ABCD2: variants seen among roughly 807,000 people sequenced by gnomAD.
ABCD2 encodes the protein ATP-binding cassette sub-family D member 2.
A neutral mutation model predicts 70.9 loss-of-function variants in ABCD2; 36 were observed. That is an observed-to-expected ratio of 0.51 (90% CI 0.39 to 0.67). ABCD2 has a LOEUF of 0.67. ABCD2 is among the 30% of genes least tolerant of loss of function. The probability of loss-of-function intolerance (pLI) is 0.00; values close to 1 mark genes in which losing one functional copy is unlikely to be tolerated. For synonymous variants in ABCD2, 304 were observed against 306.9 expected, an observed-to-expected ratio of 0.99 and a Z score of 0.10; for missense variants, 729 against 890.2, an observed-to-expected ratio of 0.82 and a Z score of 2.30.
At chr12:39,542,019 G>A in the ABCD2 span, among the ~76,000 whole-genome samples, 4 of 152,226 alleles carry the variant, frequency 2.6e-5, no homozygotes, top group Non-Finnish European at 5.9e-5. Context: ...AAGCAGCATA[G>A]GGTGGGCCTC....
chr12:39,540,040 T>G, the ABCD2 span, among the ~76,000 whole-genome samples: 2 of 152,212 alleles, frequency 1.3e-5, no homozygotes, highest in African/African-American at 2.4e-5. Flanking sequence ...AGGTTTCCTG[T>G]GCACTGAGTG....
At chr12:39,558,521 A>G (rs1226320706) in intron 9 of ABCD2, among the ~76,000 whole-genome samples, 1 of 152,172 alleles carries the variant, frequency 6.6e-6, no homozygotes. Flanking sequence ...GACCAGGTGG[A>G]GGCAATTGGA....
intron 6 of ABCD2, among the ~76,000 whole-genome samples, chr12:39,596,067 C>T (rs1213560951): frequency 6.6e-6 from 1 of 152,118 alleles, no homozygotes; most frequent in Non-Finnish European, 1.5e-5. Flanking sequence ...GCTTTCTTTT[C>T]TCAGCATCGT....
the ABCD2 span, among the ~76,000 whole-genome samples, chr12:39,534,931 A>C: frequency 8.1e-6 from 1 of 123,618 alleles, no homozygotes; most frequent in Non-Finnish European, 1.7e-5. Context: ...AAAGAAAGAA[A>C]GAAAGAAAGA....
rs1313909836 is a variant in ABCD2 at position 39,552,799 on chromosome 12, A to C, written c.*1113T>G. The C allele has an allele frequency of 1.3e-5, 2 of 151,968 alleles. No homozygotes were observed. Among genetic ancestry groups the C allele is most frequent in the Non-Finnish European group, 2.9e-5 (2 of 67,872 alleles). 9.4% of individuals were successfully genotyped at this position (151,968 alleles called of 1,614,324 possible). Reference sequence around the variant, plus strand: ...ACTTCGTCTAACTTTTATTGCTATTATAGCCCAGTTTGATTTAAAGGATAA... The same window carrying C: ...ACTTCGTCTAACTTTTATTGCTATTCTAGCCCAGTTTGATTTAAAGGATAA... On this transcript the variant is annotated 3_prime_UTR_variant, in exon 10 of 10. Coordinates refer to ENST00000308666, the MANE Select transcript of ABCD2 (RefSeq NM_005164.4).
At chr12:39,560,495 T>C (rs1039699404) in intron 9 of ABCD2, among the ~76,000 whole-genome samples, 2 of 152,156 alleles carry the variant, frequency 1.3e-5, no homozygotes, top group African/African-American at 4.8e-5. Context: ...ACAAAACTAT[T>C]AAAAATTATA....
Position 39,598,797 on chromosome 12 carries a change from G to A in ABCD2, c.1646+1774C>T, listed in dbSNP as rs574999226. Among the ~76,000 whole-genome samples, 11 of 152,178 alleles carry A rather than the reference G, an allele frequency of 7.2e-5. No individual in the cohort carries two copies. The South Asian group carries it at 1.0e-3, about 14-fold the overall frequency. ...CAGCTTTCTTTTACATCATAAAAACGTAAGATTATTTTTTAAATTTACTCG... is the reference window on the plus strand; with the variant it reads ...CAGCTTTCTTTTACATCATAAAAACATAAGATTATTTTTTAAATTTACTCG... On this transcript the variant is annotated intron_variant, in intron 6 of 9. Transcript: ENST00000308666.
At chr12:39,597,447 G>A (rs569172140) in intron 6 of ABCD2, among the ~76,000 whole-genome samples, 27 of 152,182 alleles carry the variant, frequency 1.8e-4, no homozygotes, top group Non-Finnish European at 3.2e-4. Context: ...GTGGATTTGT[G>A]AAAGTGAGAG....
At position 39,580,359 on chromosome 12, in the gene ABCD2, T is replaced by G. The variant is rs115392895; in HGVS notation, c.1793-740A>C. On this transcript the variant is annotated intron_variant, in intron 7 of 9. Transcript: ENST00000308666. ...TCTTAAAACATCTTAACTGTTGACT[T>G]TCTGTTTGATATTTATTCAAAAAAC... Among the ~76,000 whole-genome samples, 770 of 152,304 alleles carry G rather than the reference T, an allele frequency of 5.1e-3. 4 individuals carry two copies. Among genetic ancestry groups the G allele is most frequent in the African/African-American group, 0.017 (717 of 41,560 alleles).
chr12:39,599,546 G>A (rs1941867491), intron 6 of ABCD2, among the ~76,000 whole-genome samples: 1 of 152,142 alleles, frequency 6.6e-6, no homozygotes, highest in Non-Finnish European at 1.5e-5. Flanking sequence ...CTCATGTCCA[G>A]CATTTTCAGC....
In ABCD2 at chr12:39,618,992, T is replaced by C. The variant is rs1399214043; in HGVS notation, c.624A>G (p.Gln208=). ...NMDGRLANPD[Q]SLTEDIMMFS... is the part of the protein sequence containing the mutation. ...ACATCATAATATCCTCCGTAAGAGA[T>C]TGGTCAGGGTTTGCCAGCCTCCCAT... The change falls in exon 1 of 10, where the codon CAA becomes CAG. Residue 208 remains glutamine, a synonymous_variant. Coordinates refer to ENST00000308666, the MANE Select transcript of ABCD2 (RefSeq NM_005164.4). 3.7e-6 allele frequency: 6 copies of C among 1,614,066 alleles called. No individual in the cohort carries two copies. The highest frequency in any genetic ancestry group is 5.1e-6 in the Non-Finnish European group (6 of 1,180,044).
intron 9 of ABCD2, 125 bp downstream of exon 9, chr12:39,573,591 A>C: frequency 9.6e-7 from 1 of 1,037,296 alleles, no homozygotes; most frequent in Admixed American, 2.9e-5. Context: ...TGTGCAACTT[A>C]AGAGAAATAT....
At chr12:39,583,634 A>T (rs796681571) in intron 7 of ABCD2, among the ~76,000 whole-genome samples, 5 of 152,222 alleles carry the variant, frequency 3.3e-5, no homozygotes, top group African/African-American at 1.2e-4. Context: ...TAAGCCCAGT[A>T]CCCAATAATT....
chr12:39,540,934 C>T, the ABCD2 span, among the ~76,000 whole-genome samples: 39 of 152,354 alleles, frequency 2.6e-4, no homozygotes, highest in African/African-American at 9.4e-4. Context: ...CTCAGGACCT[C>T]CTGAAGGCTG....
Position 39,618,891 on chromosome 12 carries a change from A to T in ABCD2, c.725T>A (p.Leu242His). The T allele has an allele frequency of 6.2e-7, 1 of 1,614,162 alleles. No individual in the cohort carries two copies. The change falls in exon 1 of 10, where the codon CTC becomes CAC. Residue 242 changes from leucine (L) to histidine (H), a missense_variant. Transcript: ENST00000308666. ...ILDVMLTSYTLIQTATSRGAS... is the reference protein window; with the variant it reads ...ILDVMLTSYTHIQTATSRGAS... ...TCCTCTGGATGTAGCAGTTTGAATGAGTGTATAGGAGGTCAGCATTACATC... is the reference window on the plus strand; with the variant it reads ...TCCTCTGGATGTAGCAGTTTGAATGTGTGTATAGGAGGTCAGCATTACATC...
chr12:39,565,757 C>T (rs937025263), intron 9 of ABCD2, among the ~76,000 whole-genome samples: 9 of 152,160 alleles, frequency 5.9e-5, no homozygotes, highest in Non-Finnish European at 8.8e-5. Flanking sequence ...ATGATATTGG[C>T]TGTGGGTTTG....
intron 6 of ABCD2, among the ~76,000 whole-genome samples, chr12:39,594,029 G>A (rs1159782854): frequency 6.6e-6 from 1 of 152,058 alleles, no homozygotes. Context: ...TGTTAAAATT[G>A]ACTTAATTGC....
chr12:39,582,806 A>G (rs917504505), intron 7 of ABCD2, among the ~76,000 whole-genome samples: 8 of 151,868 alleles, frequency 5.3e-5, no homozygotes, highest in African/African-American at 1.7e-4. Context: ...ATTATCACAC[A>G]AAGACAAAGT....
chr12:39,594,789 C>A (rs557875753), intron 6 of ABCD2, among the ~76,000 whole-genome samples: 7 of 151,672 alleles, frequency 4.6e-5, no homozygotes, highest in African/African-American at 1.7e-4. Flanking sequence ...GCCTGGCCAA[C>A]GTGATGAAAC....
Sources: gnomAD v4.1 joint callset for allele counts (sites outside exome capture counted in the v4.1 genomes callset) on GRCh38, gnomAD v4.1.1 for gene constraint, MANE v1.5 for transcripts, NCBI Gene and HGNC (gene_info 2026-07-23, HGNC 2026-07-21) for gene names.